Variants in DENND4C observed in about 807,000 individuals in gnomAD.
The protein encoded by DENND4C is DENN domain containing 4C.
DENND4C carries 108 observed loss-of-function variants against 203.0 expected under a neutral mutation model. That is an observed-to-expected ratio of 0.53 (90% CI 0.46 to 0.62). The LOEUF is 0.62. Ranked by LOEUF, DENND4C falls within the 20% of genes least tolerant of loss-of-function variation. DENND4C has a pLI of 0.00. For synonymous variants in DENND4C, 871 were observed against 792.4 expected, an observed-to-expected ratio of 1.10 and a Z score of -1.67; for missense variants, 2,481 against 2,301.2, an observed-to-expected ratio of 1.08 and a Z score of -1.60.
chr9:19,236,666 T>C (rs1230524246), intron 1 of DENND4C, among the ~76,000 whole-genome samples: 1 of 152,186 alleles, frequency 6.6e-6, no homozygotes, highest in Non-Finnish European at 1.5e-5. Flanking sequence ...TAGGCATGTA[T>C]TGAGAACAGC....
At position 19,326,185 on chromosome 9, in the gene DENND4C, C is replaced by T. The variant is rs1563805892; in HGVS notation, c.2111C>T (p.Pro704Leu). The T allele has an allele frequency of 6.2e-7, 1 of 1,610,698 alleles. No homozygotes were observed. The highest frequency in any genetic ancestry group is 1.1e-5 in the South Asian group (1 of 90,094). Reference protein sequence around the residue: ...PPPDDGKDLSPKYSYKYFPRL... With the variant: ...PPPDDGKDLSLKYSYKYFPRL... ...CCTGATGATGGAAAGGACCTGTCAC[C>T]AAAGTACAGGTAGTAGGAAGTTTTA... The change falls in exon 15 of 33, where the codon CCA (proline) becomes CTA (leucine). Residue 704 changes from proline to leucine, a missense_variant. Pro to Leu is a moderately conservative substitution (Grantham distance 98). This residue lies in a region of DENND4C where 2,289 missense variants were observed against 2,113.3 expected (regional missense o/e 1.08). Coordinates refer to ENST00000434457, the MANE Select transcript of DENND4C (RefSeq NM_001330640.2).
chr9:19,277,648 G>T (rs1833153847), intron 2 of DENND4C, among the ~76,000 whole-genome samples: 1 of 151,982 alleles, frequency 6.6e-6, no homozygotes, highest in Non-Finnish European at 1.5e-5. Flanking sequence ...GATGCTTTGT[G>T]TGTGTGTGTG....
rs1355039448 is a variant in DENND4C, at chr9:19,262,075, TC to T, written c.-17-14082del. The stretch of plus-strand genomic sequence containing the variant: ...CTGAAACTTTAGTGAATTTATTAGT[TC>T]TTTTTTTTTTTTTTTTTTTTTTTTT... On this transcript the variant is annotated intron_variant, in intron 1 of 32. Coordinates refer to ENST00000434457, the MANE Select transcript of DENND4C (RefSeq NM_001330640.2). Among the ~76,000 whole-genome samples the T allele has an allele frequency of 1.2e-3, 128 of 111,128 alleles. 2 individuals carry two copies. The highest frequency in any genetic ancestry group is 4.4e-3 in the African/African-American group (124 of 28,020). The allele number at this position is 111,128 out of a possible 152,430, so 72.9% of individuals were successfully genotyped here.
chr9:19,368,257 A>ATTTTTT (rs145197314), intron 30 of DENND4C, among the ~76,000 whole-genome samples: 3 of 110,796 alleles, frequency 2.7e-5, no homozygotes, highest in African/African-American at 3.6e-5. Context: ...GGACTTTGCT[A>ATTTTTT]TTTTTTTTTT....
intron 4 of DENND4C, among the ~76,000 whole-genome samples, chr9:19,289,502 G>A (rs892539029): frequency 6.6e-6 from 1 of 152,058 alleles, no homozygotes; most frequent in Non-Finnish European, 1.5e-5. Flanking sequence ...TAATGGCAAC[G>A]ACTAACGTAT....
In DENND4C at chr9:19,283,584, A is replaced by G. The variant is rs535848663; in HGVS notation, c.306-3185A>G. Among the ~76,000 whole-genome samples the G allele has an allele frequency of 8.0e-5, 12 of 149,492 alleles. No homozygotes were observed. In the East Asian group the frequency reaches 1.8e-3, roughly 22 times the overall value. On this transcript the variant is annotated intron_variant, in intron 2 of 32. Transcript: ENST00000434457. Reference sequence around the variant, plus strand: ...TAAACAGGGCAGTATGTTATCTTATATATCAGATGCATTTCTTTTTTCTTT... The same window carrying G: ...TAAACAGGGCAGTATGTTATCTTATGTATCAGATGCATTTCTTTTTTCTTT...
At chr9:19,240,230 C>T (rs960999140) in intron 1 of DENND4C, among the ~76,000 whole-genome samples, 2 of 152,144 alleles carry the variant, frequency 1.3e-5, no homozygotes, top group Non-Finnish European at 2.9e-5. Flanking sequence ...GCATGCTACT[C>T]TTGTAGGCTA....
intron 9 of DENND4C, among the ~76,000 whole-genome samples, chr9:19,301,496 T>G (rs567883698): frequency 6.6e-6 from 1 of 152,246 alleles, no homozygotes; most frequent in Non-Finnish European, 1.5e-5. Context: ...GAAGTGCTGT[T>G]AGGACTGAAA....
At chr9:19,354,748 G>A (rs920096110) in intron 26 of DENND4C, among the ~76,000 whole-genome samples, 3 of 151,782 alleles carry the variant, frequency 2.0e-5, no homozygotes, top group Admixed American at 1.3e-4. Flanking sequence ...GTTTCGCCAT[G>A]TTAGCCAGGC....
Position 19,367,137 on chromosome 9 carries a change from C to T in DENND4C, c.5525-2700C>T, listed in dbSNP as rs1469356974. 2.6e-5 allele frequency among the ~76,000 whole-genome samples: 4 copies of T among 152,050 alleles called. No homozygotes were observed. In the South Asian group the frequency reaches 6.2e-4, roughly 24 times the overall value. On this transcript the variant is annotated intron_variant, in intron 30 of 32. Coordinates refer to ENST00000434457, the MANE Select transcript of DENND4C (RefSeq NM_001330640.2). ...GTCAAGGATATGCAAATCAAAACCA[C>T]AAGGAAATAACACTTCATACTTACT...
intron 23 of DENND4C, among the ~76,000 whole-genome samples, chr9:19,349,613 A>C (rs1349034229): frequency 6.6e-6 from 1 of 152,216 alleles, no homozygotes; most frequent in South Asian, 2.1e-4. Context: ...ATGAATGAAA[A>C]GTCTATAAAA....
rs1238106656 is a variant in DENND4C at position 19,230,717 on chromosome 9, C to T, written c.-134C>T. On this transcript the variant is annotated 5_prime_UTR_variant, in exon 1 of 33. Transcript: ENST00000434457. ...CAGACCGGACTGAGGCGGCGGCGGCCGCTGGAGCTAGTCCCCCGCCCTGCC... is the reference window on the plus strand; with the variant it reads ...CAGACCGGACTGAGGCGGCGGCGGCTGCTGGAGCTAGTCCCCCGCCCTGCC... The T allele has an allele frequency of 1.3e-5, 2 of 152,206 alleles. No homozygotes were observed. The highest frequency in any genetic ancestry group is 4.8e-5 in the African/African-American group (2 of 41,452). 9.4% of individuals were successfully genotyped at this position (152,206 alleles called of 1,614,324 possible).
intron 1 of DENND4C, among the ~76,000 whole-genome samples, chr9:19,242,079 C>T (rs1159513975): frequency 2.6e-5 from 4 of 152,080 alleles, no homozygotes; most frequent in East Asian, 1.9e-4. Context: ...GCTCTTAAGC[C>T]CTTTCTGCCT....
At chr9:19,309,974 C>CT (rs564787575) in intron 10 of DENND4C, among the ~76,000 whole-genome samples, 8 of 152,092 alleles carry the variant, frequency 5.3e-5, no homozygotes, top group African/African-American at 1.9e-4. Flanking sequence ...TTTTGGTGAA[C>CT]TTTGTGTTTT....
rs201746003 is a variant in DENND4C, at chr9:19,316,735, G to T, written c.1703G>T (p.Arg568Leu). The T allele has an allele frequency of 2.4e-4, 383 of 1,613,902 alleles. 1 individual carries two copies. Among genetic ancestry groups the T allele is most frequent in the Non-Finnish European group, 3.1e-4 (366 of 1,180,006 alleles). ...LEMEIQEAFLRFMASILKGYR... is the reference protein window; with the variant it reads ...LEMEIQEAFLLFMASILKGYR... ...ATGGAAATTCAAGAGGCATTTTTGC[G>T]CTTTATGGCGTCTATTTTAAAAGGA... The change falls in exon 12 of 33, where the codon CGC becomes CTC. Residue 568 changes from arginine (R) to leucine (L), a missense_variant. Physicochemically the swap from Arg to Leu is moderately radical, Grantham distance 102. Transcript: ENST00000434457.
At chr9:19,238,156 C>T (rs1822506373) in intron 1 of DENND4C, among the ~76,000 whole-genome samples, 1 of 151,138 alleles carries the variant, frequency 6.6e-6, no homozygotes. Flanking sequence ...GATCTCAGCT[C>T]ACCGCAACCT....
intron 2 of DENND4C, among the ~76,000 whole-genome samples, chr9:19,283,616 T>TTG (rs1445851286): frequency 6.8e-6 from 1 of 147,944 alleles, no homozygotes; most frequent in African/African-American, 2.5e-5. Flanking sequence ...CTTTCTTTTT[T>TTG]TTTTTTTTTT....
chr9:19,271,787 C>A (rs1401309051), intron 1 of DENND4C, among the ~76,000 whole-genome samples: 3 of 151,404 alleles, frequency 2.0e-5, no homozygotes, highest in African/African-American at 7.3e-5. Context: ...ATCGCTTGAA[C>A]CTGGGAGGCG....
chr9:19,305,488 ATGT>A lies in DENND4C; in HGVS notation c.1453_1455del (p.Val485del). On this transcript the variant is annotated inframe_deletion, in exon 10 of 33. Coordinates refer to ENST00000434457, the MANE Select transcript of DENND4C (RefSeq NM_001330640.2). The stretch of plus-strand genomic sequence containing the variant: ...TTTGATCTTCATGACCCACCACAAG[ATGT>A]TGTTTGCATTGACTTGGATACGAAC... 6.2e-7 allele frequency: 1 copy of A among 1,613,526 alleles called. No homozygotes were observed. The highest frequency in any genetic ancestry group is 8.5e-7 in the Non-Finnish European group (1 of 1,179,910).
Sources: allele counts gnomAD v4.1 joint callset (sites outside exome capture counted in the v4.1 genomes callset), GRCh38; gene constraint gnomAD v4.1.1; regional missense constraint gnomAD v4.1.1; transcripts MANE v1.5; gene names NCBI Gene and HGNC (gene_info 2026-07-23, HGNC 2026-07-21).